SV2C: variants seen among roughly 807,000 people sequenced by gnomAD.
The protein encoded by SV2C is synaptic vesicle glycoprotein 2C.
SV2C carries 49 observed loss-of-function variants against 79.7 expected under a neutral mutation model. That is an observed-to-expected ratio of 0.61 (90% CI 0.49 to 0.78). The LOEUF (loss-of-function observed/expected upper bound fraction) is 0.78, where lower values mean the gene tolerates loss of function less well. Among genes scored for constraint, SV2C ranks in the 30% least tolerant of loss-of-function variants. SV2C has a pLI of 0.00. For synonymous variants in SV2C, 334 were observed against 333.2 expected (o/e 1.00, Z -0.03); for missense variants, 833 against 912.9 (o/e 0.91, Z 1.13).
At chr5:76,321,560 T>C (rs1175513061) in intron 12 of SV2C, among the ~76,000 whole-genome samples, 3 of 151,868 alleles carry the variant, frequency 2.0e-5, no homozygotes, top group South Asian at 4.2e-4. Flanking sequence ...GGCAATATGA[T>C]GAAACCCCAT....
chr5:76,002,732 G>T, the SV2C span, among the ~76,000 whole-genome samples: 2 of 152,106 alleles, frequency 1.3e-5, no homozygotes, highest in South Asian at 2.1e-4. Flanking sequence ...AGGGAAAATT[G>T]CAGGAAATGT....
At chr5:75,960,050 A>G in the SV2C span, among the ~76,000 whole-genome samples, 2 of 152,104 alleles carry the variant, frequency 1.3e-5, no homozygotes, top group African/African-American at 2.4e-5. Flanking sequence ...TCATAGGATT[A>G]CAGAATATTT....
chr5:76,165,977 C>A (rs1743034725), intron 2 of SV2C, among the ~76,000 whole-genome samples: 1 of 152,076 alleles, frequency 6.6e-6, no homozygotes, highest in Non-Finnish European at 1.5e-5. Flanking sequence ...CAACTCCAGT[C>A]AAGAATGAGG....
chr5:75,953,219 A>G, the SV2C span, among the ~76,000 whole-genome samples: 1 of 151,852 alleles, frequency 6.6e-6, no homozygotes, highest in Non-Finnish European at 1.5e-5. Flanking sequence ...GTGGGAACTA[A>G]TAGAATAATG....
chr5:75,948,985 G>A, the SV2C span, among the ~76,000 whole-genome samples: 2 of 151,966 alleles, frequency 1.3e-5, no homozygotes, highest in African/African-American at 4.8e-5. Context: ...CAGTGTTGGA[G>A]ATGGAGCCTG....
At chr5:75,909,856 C>G in the SV2C span, among the ~76,000 whole-genome samples, 5 of 152,160 alleles carry the variant, frequency 3.3e-5, no homozygotes, top group African/African-American at 1.2e-4. Context: ...ATAAAAATCA[C>G]AAAAATTATA....
chr5:76,299,062 C>A, intron 10 of SV2C, 135 bp downstream of exon 10: 2 of 1,102,120 alleles, frequency 1.8e-6, no homozygotes, highest in Non-Finnish European at 2.4e-6. Context: ...TTCTCTAAAT[C>A]AGGTTGGATC....
the SV2C span, among the ~76,000 whole-genome samples, chr5:75,916,362 T>G: frequency 1.8e-5 from 2 of 113,982 alleles, no homozygotes; most frequent in African/African-American, 3.6e-5. Flanking sequence ...CCTTCTCCTC[T>G]CCTCCTCCTT....
intron 4 of SV2C, chr5:76,281,227 C>T (rs1747183737): frequency 1.9e-6 from 1 of 527,228 alleles, no homozygotes; most frequent in African/African-American, 2.0e-5. Context: ...CAGTGAAATT[C>T]AACAGAAGAA....
At chr5:76,315,956 C>T (rs147029897) in intron 12 of SV2C, among the ~76,000 whole-genome samples, 2 of 152,242 alleles carry the variant, frequency 1.3e-5, no homozygotes, top group Non-Finnish European at 2.9e-5. Flanking sequence ...CACACACAAA[C>T]GAAGCAGGTC....
chr5:76,248,377 T>C (rs1312880148), intron 4 of SV2C, among the ~76,000 whole-genome samples: 1 of 152,224 alleles, frequency 6.6e-6, no homozygotes, highest in Non-Finnish European at 1.5e-5. Context: ...TGTTCTCACA[T>C]GGTCATTTCT....
At chr5:75,923,281 A>C in the SV2C span, among the ~76,000 whole-genome samples, 1 of 152,208 alleles carries the variant, frequency 6.6e-6, no homozygotes, top group African/African-American at 2.4e-5. Context: ...GAAGGATCAA[A>C]GACTTAGTTA....
intron 3 of SV2C, among the ~76,000 whole-genome samples, chr5:76,208,916 C>T (rs1409390261): frequency 2.0e-5 from 3 of 152,142 alleles, no homozygotes; most frequent in Non-Finnish European, 4.4e-5. Context: ...CTGATGAAAT[C>T]TATGGCCCAT....
chr5:76,006,696 C>A, the SV2C span, among the ~76,000 whole-genome samples: 1 of 152,112 alleles, frequency 6.6e-6, no homozygotes, highest in African/African-American at 2.4e-5. Flanking sequence ...AGCATTTGGT[C>A]CTGGGGCTGT....
chr5:75,912,912 G>A, the SV2C span, among the ~76,000 whole-genome samples: 2 of 152,320 alleles, frequency 1.3e-5, no homozygotes, highest in African/African-American at 4.8e-5. Context: ...ATCAAGCCAG[G>A]TGAGTTGGAA....
downstream of SV2C, among the ~76,000 whole-genome samples, chr5:76,338,629 C>A (rs1749372892): frequency 1.3e-5 from 2 of 151,206 alleles, no homozygotes; most frequent in Non-Finnish European, 2.9e-5. Flanking sequence ...TAGAAGACAA[C>A]CATAGTATTT....
the SV2C span, among the ~76,000 whole-genome samples, chr5:75,916,092 T>G: frequency 1.3e-5 from 2 of 152,170 alleles, no homozygotes; most frequent in Non-Finnish European, 2.9e-5. Context: ...TTATATGATC[T>G]TATTTGACTT....
chr5:76,049,158 A>G, the SV2C span, among the ~76,000 whole-genome samples: 2 of 151,856 alleles, frequency 1.3e-5, no homozygotes, highest in African/African-American at 2.4e-5. Context: ...TAACATGATG[A>G]AACACCCGTT....
chr5:75,959,506 A>G, the SV2C span, among the ~76,000 whole-genome samples: 1 of 151,978 alleles, frequency 6.6e-6, no homozygotes, highest in Admixed American at 6.6e-5. Flanking sequence ...TATTTATTGA[A>G]GGCTTCTCAA....
Sources: allele counts gnomAD v4.1 joint callset (sites outside exome capture counted in the v4.1 genomes callset), GRCh38; gene constraint gnomAD v4.1.1; transcripts MANE v1.5; gene names NCBI Gene and HGNC (gene_info 2026-07-23, HGNC 2026-07-21).